SH3PXD2A: variants seen among roughly 807,000 people sequenced by gnomAD.
SH3PXD2A encodes SH3 and PX domain-containing protein 2A.
A neutral mutation model predicts 115.2 loss-of-function variants in SH3PXD2A; 32 were observed. The observed-to-expected ratio is 0.28, with a 90% CI of 0.21 to 0.37. The LOEUF (loss-of-function observed/expected upper bound fraction) is 0.37, where lower values mean the gene tolerates loss of function less well. Ranked by LOEUF, SH3PXD2A falls within the 10% of genes least tolerant of loss-of-function variation. SH3PXD2A has a pLI of 1.00. For synonymous variants in SH3PXD2A, 610 were observed against 629.1 expected (o/e 0.97, Z 0.45); for missense variants, 1,328 against 1,498.7 (o/e 0.89, Z 1.88).
At chr10:103,792,460 T>C (rs964552392) in intron 2 of SH3PXD2A, among the ~76,000 whole-genome samples, 1 of 152,166 alleles carries the variant, frequency 6.6e-6, no homozygotes, top group Non-Finnish European at 1.5e-5. Flanking sequence ...GAGGGCCTAA[T>C]TGGTGACATT....
intron 4 of SH3PXD2A, among the ~76,000 whole-genome samples, chr10:103,732,740 G>T (rs925187841): frequency 2.0e-5 from 3 of 152,208 alleles, no homozygotes; most frequent in Non-Finnish European, 2.9e-5. Flanking sequence ...GTCGAAGGAA[G>T]ATGACCAGCC....
intron 6 of SH3PXD2A, among the ~76,000 whole-genome samples, chr10:103,677,183 T>C (rs947235415): frequency 2.6e-5 from 4 of 152,220 alleles, no homozygotes; most frequent in Non-Finnish European, 5.9e-5. Context: ...GGACTCTTGC[T>C]ATCGGATTAT....
At chr10:103,821,857 C>A (rs2134291219) in intron 1 of SH3PXD2A, among the ~76,000 whole-genome samples, 1 of 151,472 alleles carries the variant, frequency 6.6e-6, no homozygotes, top group South Asian at 2.1e-4. Flanking sequence ...ATAAGCCACT[C>A]CACCTGGCCC....
intron 7 of SH3PXD2A, chr10:103,661,957 A>G: frequency 1.0e-6 from 1 of 985,058 alleles, no homozygotes; most frequent in Non-Finnish European, 1.2e-6. Context: ...CCTCGGGCTC[A>G]CCCAGGCGCT....
At chr10:103,774,434 C>G (rs2038859463) in intron 2 of SH3PXD2A, among the ~76,000 whole-genome samples, 1 of 152,176 alleles carries the variant, frequency 6.6e-6, no homozygotes, top group South Asian at 2.1e-4. Context: ...CATTTCTCTA[C>G]TATCTGCTTA....
In SH3PXD2A at chr10:103,769,560, T is replaced by C. The variant is rs144789114; in HGVS notation, c.154-2391A>G. 5.4e-3 allele frequency among the ~76,000 whole-genome samples: 808 copies of C among 150,958 alleles called. 11 individuals carry two copies. Among genetic ancestry groups the C allele is most frequent in the African/African-American group, 0.019 (773 of 41,234 alleles). On this transcript the variant is annotated intron_variant, in intron 2 of 14. Transcript: ENST00000369774. Reference sequence around the variant, plus strand: ...GCCTCCCAGGATCAAGCTATTCTCATAGCTGAGATTACAGGTGTGTGCCAC... The same window carrying C: ...GCCTCCCAGGATCAAGCTATTCTCACAGCTGAGATTACAGGTGTGTGCCAC...
Position 103,739,012 on chromosome 10 carries a change from C to T in SH3PXD2A, c.230-3204G>A, listed in dbSNP as rs182744624. Among the ~76,000 whole-genome samples the T allele has an allele frequency of 1.4e-3, 208 of 152,268 alleles. 1 individual carries two copies. The highest frequency in any genetic ancestry group is 4.9e-3 in the African/African-American group (202 of 41,534). On this transcript the variant is annotated intron_variant, in intron 3 of 14. Transcript: ENST00000369774. The stretch of plus-strand genomic sequence containing the variant: ...TTCTCCATGTTGGTCAGGCTGGTCA[C>T]GAACTCCTGACCTCAGATGATCCGC...
intron 5 of SH3PXD2A, among the ~76,000 whole-genome samples, chr10:103,700,149 A>C (rs1294288272): frequency 6.6e-6 from 1 of 152,236 alleles, no homozygotes; most frequent in Non-Finnish European, 1.5e-5. Flanking sequence ...CCACAGGACA[A>C]GTTTTACCAT....
At chr10:103,682,392 A>G (rs1273719786) in intron 6 of SH3PXD2A, among the ~76,000 whole-genome samples, 2 of 152,244 alleles carry the variant, frequency 1.3e-5, no homozygotes, top group African/African-American at 4.8e-5. Context: ...ATTTCCAATT[A>G]GATGGCTTTG....
chr10:103,615,513 T>C (rs1438594975), intron 11 of SH3PXD2A, among the ~76,000 whole-genome samples: 1 of 119,652 alleles, frequency 8.4e-6, no homozygotes, highest in East Asian at 2.4e-4. Context: ...TGTGTGTGTG[T>C]GTGTGTGTGT....
chr10:103,615,119 G>A (rs2036489921), intron 11 of SH3PXD2A, among the ~76,000 whole-genome samples: 1 of 152,188 alleles, frequency 6.6e-6, no homozygotes, highest in African/African-American at 2.4e-5. Flanking sequence ...GAAAAGCAAG[G>A]GGGTCACACA....
chr10:103,835,286 G>A (rs1054297072), intron 1 of SH3PXD2A, among the ~76,000 whole-genome samples: 1 of 152,216 alleles, frequency 6.6e-6, no homozygotes, highest in African/African-American at 2.4e-5. Context: ...CTGCTCTGAC[G>A]TGAGCTCGCA....
intron 3 of SH3PXD2A, among the ~76,000 whole-genome samples, chr10:103,748,511 C>G (rs7090045): frequency 0.2 from 30,672 of 152,162 alleles, 3,292 homozygotes; most frequent in Non-Finnish European, 0.23. Flanking sequence ...GGGGGCTGGG[C>G]TGTGATGGTG....
At chr10:103,777,154 A>G (rs549681548) in intron 2 of SH3PXD2A, among the ~76,000 whole-genome samples, 1 of 152,376 alleles carries the variant, frequency 6.6e-6, no homozygotes, top group Non-Finnish European at 1.5e-5. Flanking sequence ...GGGTGAGAGG[A>G]TTAAATGAGA....
chr10:103,713,506 TG>T (rs1810167061), intron 5 of SH3PXD2A, among the ~76,000 whole-genome samples: 1 of 152,224 alleles, frequency 6.6e-6, no homozygotes, highest in South Asian at 2.1e-4. Flanking sequence ...TCACGGAAGA[TG>T]AAATTTCTTT....
At chr10:103,702,367 G>A (rs1240630401) in intron 5 of SH3PXD2A, among the ~76,000 whole-genome samples, 1 of 152,190 alleles carries the variant, frequency 6.6e-6, no homozygotes, top group Non-Finnish European at 1.5e-5. Flanking sequence ...TTGTGATCAG[G>A]TGCCCCAAAG....
intron 2 of SH3PXD2A, among the ~76,000 whole-genome samples, chr10:103,767,430 C>G (rs973340541): frequency 6.6e-6 from 1 of 152,166 alleles, no homozygotes; most frequent in Non-Finnish European, 1.5e-5. Flanking sequence ...CAGGAGATGA[C>G]CCCGAGCAAG....
chr10:103,750,362 C>T (rs1044680787), intron 3 of SH3PXD2A, among the ~76,000 whole-genome samples: 12 of 152,100 alleles, frequency 7.9e-5, no homozygotes, highest in Non-Finnish European at 1.8e-4. Flanking sequence ...CTTTTATTGT[C>T]GTTTTAAGCT....
intron 1 of SH3PXD2A, among the ~76,000 whole-genome samples, chr10:103,847,767 C>T (rs1192422752): frequency 6.6e-6 from 1 of 152,090 alleles, no homozygotes; most frequent in Non-Finnish European, 1.5e-5. Flanking sequence ...GGCAAAACCC[C>T]ACCTCTACTA....
Sources: gnomAD v4.1 joint callset for allele counts (sites outside exome capture counted in the v4.1 genomes callset) on GRCh38, gnomAD v4.1.1 for gene constraint, MANE v1.5 for transcripts, NCBI Gene and HGNC (gene_info 2026-07-23, HGNC 2026-07-21) for gene names.